Variants in MORC1 observed in about 807,000 individuals in gnomAD.
MORC1 encodes the protein MORC family CW-type zinc finger protein 1.
In MORC1, 59 loss-of-function variants were observed where a neutral mutation model predicts 134.9. The observed-to-expected ratio is 0.44, with a 90% CI of 0.35 to 0.54. The LOEUF (loss-of-function observed/expected upper bound fraction) is 0.54. Ranked by LOEUF, MORC1 falls within the 20% of genes least tolerant of loss-of-function variation. The pLI is 0.00. For synonymous variants in MORC1, 395 were observed against 391.7 expected (o/e 1.01, Z -0.10); for missense variants, 947 against 1,134.5 (o/e 0.83, Z 2.37).
At chr3:108,963,722 G>A (rs989618391) in intron 26 of MORC1, 114 bp from the exon 27 acceptor site, 1 of 692,850 alleles carries the variant, frequency 1.4e-6, no homozygotes. Flanking sequence ...TGTCAACTTC[G>A]TAGGTGGTCT....
Position 109,099,418 on chromosome 3 carries a change from T to C in MORC1, c.363A>G (p.Glu121=), listed in dbSNP as rs764746294. 3 of 1,613,432 alleles carry C rather than the reference T, an allele frequency of 1.9e-6. No homozygotes were observed. The highest frequency in any genetic ancestry group is 2.2e-5 in the East Asian group (1 of 44,858). ...GKDFILFTKK[E]ETMTCVFFSQ... ...AAAAAAACACACAGGTCATCGTTTC[T>C]TCCTTCTTCGTAAAAAGAATAAAGT... The change falls in exon 6 of 28, where the codon GAA becomes GAG. Residue 121 remains glutamate, a synonymous_variant. Coordinates refer to ENST00000232603, the MANE Select transcript of MORC1 (RefSeq NM_014429.4).
chr3:108,995,221 T>G (rs1177399085), intron 21 of MORC1, among the ~76,000 whole-genome samples: 1 of 152,206 alleles, frequency 6.6e-6, no homozygotes, highest in Non-Finnish European at 1.5e-5. Context: ...AGGACACTGT[T>G]CTTGCAATAA....
intron 17 of MORC1, among the ~76,000 whole-genome samples, chr3:109,009,837 T>A (rs952309441): frequency 6.6e-6 from 1 of 152,144 alleles, no homozygotes; most frequent in African/African-American, 2.4e-5. Flanking sequence ...GCTTCAAGTT[T>A]TACCGTTTTC....
At chr3:109,011,764 G>A (rs186167385) in intron 17 of MORC1, among the ~76,000 whole-genome samples, 174 of 152,126 alleles carry the variant, frequency 1.1e-3, no homozygotes, top group African/African-American at 3.8e-3. Context: ...CAGGTGATCC[G>A]CCCACCTTGG....
At chr3:109,012,847 GA>G (rs1023944196) in intron 17 of MORC1, among the ~76,000 whole-genome samples, 35 of 151,924 alleles carry the variant, frequency 2.3e-4, no homozygotes, top group South Asian at 2.1e-3. Context: ...AATCTTGAAA[GA>G]AAAAAAACTT....
intron 24 of MORC1, among the ~76,000 whole-genome samples, chr3:108,972,087 T>C (rs1947399045): frequency 6.6e-6 from 1 of 152,198 alleles, no homozygotes. Context: ...AAGACTACTC[T>C]TAGAAATCAT....
intron 14 of MORC1, among the ~76,000 whole-genome samples, chr3:109,042,525 T>G (rs1178912085): frequency 1.3e-5 from 2 of 152,176 alleles, no homozygotes; most frequent in Non-Finnish European, 2.9e-5. Flanking sequence ...ATATGGAGTT[T>G]CCTTCAAAAA....
intron 16 of MORC1, among the ~76,000 whole-genome samples, chr3:109,031,104 A>C (rs952529870): frequency 6.6e-6 from 1 of 152,202 alleles, no homozygotes; most frequent in African/African-American, 2.4e-5. Flanking sequence ...TGCAGGGACA[A>C]CAGTAAGTTG....
intron 17 of MORC1, among the ~76,000 whole-genome samples, chr3:109,023,956 A>C (rs1231256300): frequency 6.6e-6 from 1 of 152,222 alleles, no homozygotes; most frequent in Non-Finnish European, 1.5e-5. Flanking sequence ...TCTATTCAAA[A>C]GGATAAAGAT....
intron 3 of MORC1, among the ~76,000 whole-genome samples, chr3:109,104,176 G>C (rs1033780463): frequency 6.6e-6 from 1 of 152,158 alleles, no homozygotes; most frequent in African/African-American, 2.4e-5. Flanking sequence ...AGCAGGACAT[G>C]TTCTGCTCTG....
chr3:109,019,035 C>G (rs950476061), intron 17 of MORC1: 1 of 152,316 alleles, frequency 6.6e-6, no homozygotes, highest in African/African-American at 2.4e-5. Flanking sequence ...GCTGCGCCTC[C>G]TCGTGGTTTC....
intron 6 of MORC1, among the ~76,000 whole-genome samples, chr3:109,096,078 G>T (rs1161994498): frequency 6.6e-6 from 1 of 152,114 alleles, no homozygotes; most frequent in Non-Finnish European, 1.5e-5. Flanking sequence ...ATCAATTATT[G>T]TTAATATCTT....
intron 27 of MORC1, among the ~76,000 whole-genome samples, chr3:108,959,425 G>T (rs1203215118): frequency 6.6e-6 from 1 of 151,964 alleles, no homozygotes; most frequent in Non-Finnish European, 1.5e-5. Flanking sequence ...ATCCTTCTTT[G>T]TTATAGACTG....
At chr3:108,997,341 T>C (rs967645635) in intron 21 of MORC1, among the ~76,000 whole-genome samples, 1 of 152,084 alleles carries the variant, frequency 6.6e-6, no homozygotes, top group African/African-American at 2.4e-5. Flanking sequence ...GGGCCAGCCT[T>C]GCCAAGATGG....
chr3:109,007,480 C>A (rs2107539578), intron 17 of MORC1, among the ~76,000 whole-genome samples: 1 of 152,286 alleles, frequency 6.6e-6, no homozygotes, highest in South Asian at 2.1e-4. Flanking sequence ...TAGTTCAGAG[C>A]TCTAGGTGTC....
intron 24 of MORC1, 52 bp from the exon 25 acceptor site, chr3:108,971,454 G>T: frequency 1.3e-6 from 2 of 1,487,864 alleles, no homozygotes; most frequent in Non-Finnish European, 1.9e-6. Context: ...AACAGAGGTA[G>T]CACTCAACTG....
intron 20 of MORC1, among the ~76,000 whole-genome samples, chr3:109,004,585 T>C (rs536356703): frequency 1.3e-5 from 2 of 152,314 alleles, no homozygotes; most frequent in South Asian, 4.2e-4. Context: ...AGTAAACTCA[T>C]TTGGACACAT....
chr3:109,118,077 G>T lies in MORC1; in HGVS notation c.-18C>A. 6.2e-7 allele frequency: 1 copy of T among 1,602,148 alleles called. No homozygotes were observed. Among genetic ancestry groups the T allele is most frequent in the South Asian group, 1.1e-5 (1 of 88,844 alleles). On this transcript the variant is annotated 5_prime_UTR_variant, in exon 1 of 28. Transcript: ENST00000232603. ...TCGTCCATGCCCTCGAACACGACCC[G>T]CGCAACTCAAGGGGACAAGGACACC... is the stretch of plus-strand genomic sequence containing the variant.
At chr3:109,006,772 G>T (rs1948549961) in intron 18 of MORC1, among the ~76,000 whole-genome samples, 1 of 152,114 alleles carries the variant, frequency 6.6e-6, no homozygotes, top group Admixed American at 6.5e-5. Flanking sequence ...GTATTGGAAA[G>T]AAATACATTA....
Sources: gnomAD v4.1 joint callset for allele counts (sites outside exome capture counted in the v4.1 genomes callset) on GRCh38, gnomAD v4.1.1 for gene constraint, MANE v1.5 for transcripts, NCBI Gene and HGNC (gene_info 2026-07-23, HGNC 2026-07-21) for gene names.